ZNF263: variants seen among roughly 807,000 people sequenced by gnomAD.
ZNF263 encodes zinc finger protein 263, also known as zinc finger protein FPM315.
A neutral mutation model predicts 63.1 loss-of-function variants in ZNF263; 49 were observed. The ratio of observed to expected loss-of-function variants is 0.78; its 90% CI spans 0.62 to 0.99. The LOEUF (loss-of-function observed/expected upper bound fraction) is 0.99, where lower values mean the gene tolerates loss of function less well. Ranked by LOEUF, ZNF263 falls within the 50% of genes least tolerant of loss-of-function variation. ZNF263 has a pLI of 0.00. For missense variants in ZNF263, 872 were observed against 854.8 expected (o/e 1.02, Z -0.25); for synonymous variants, 352 against 324.2 (o/e 1.09, Z -0.92).
At chr16:3,299,822 A>G (rs1392338179) in intron 2 of ZNF263, 1 of 1,589,968 alleles carries the variant, frequency 6.3e-7, no homozygotes, top group Non-Finnish European at 8.5e-7. Flanking sequence ...TGAAAAAACC[A>G]TTCTGAAAAC....
chr16:3,285,771 C>T lies in ZNF263; in HGVS notation c.642+17C>T. Reference sequence around the variant, plus strand: ...GGGCCCCAGGTGATGTGGAAGTTTCCATTGTCTCCCCCCAGCACCCTTCCT... The same window carrying T: ...GGGCCCCAGGTGATGTGGAAGTTTCTATTGTCTCCCCCCAGCACCCTTCCT... On this transcript the variant is annotated intron_variant, in intron 3 of 5. Coordinates refer to ENST00000219069, the MANE Select transcript of ZNF263 (RefSeq NM_005741.5). 5 of 1,613,612 alleles carry T rather than the reference C, an allele frequency of 3.1e-6. No homozygotes were observed. Among genetic ancestry groups the T allele is most frequent in the Non-Finnish European group, 4.2e-6 (5 of 1,179,592 alleles).
rs1959470460 is a variant in ZNF263, at chr16:3,288,554, C to T, written c.870C>T (p.Pro290=). The change falls in exon 5 of 6, where the codon CCC becomes CCT. Residue 290 remains proline (P), a synonymous_variant. Coordinates refer to ENST00000219069, the MANE Select transcript of ZNF263 (RefSeq NM_005741.5). The part of the protein sequence containing the change: ...SVQSCKEGLS[P]RGPAPGEEKF... ...AGAGCTGCAAGGAGGGCCTGAGCCC[C>T]AGAGGCCCAGCTCCAGGTAAGGAAT... The T allele has an allele frequency of 5.6e-6, 9 of 1,610,864 alleles. No individual in the cohort carries two copies. Among genetic ancestry groups the T allele is most frequent in the Non-Finnish European group, 5.9e-6 (7 of 1,178,660 alleles).
chr16:3,298,805 A>G (rs932870237), intron 1 of ZNF263: 4 of 394,162 alleles, frequency 1.0e-5, no homozygotes, highest in African/African-American at 8.2e-5. Flanking sequence ...ACACAAATTT[A>G]AATAAATTTA....
chr16:3,300,645 G>T, intron 2 of ZNF263: 1 of 1,502,440 alleles, frequency 6.7e-7, no homozygotes, highest in South Asian at 1.4e-5. Flanking sequence ...ACCAACAGGA[G>T]AAAACAAAGG....
chr16:3,291,052 CGAAGGCCCCAGTTGG>C lies in ZNF263; in HGVS notation c.*499_*513del. The stretch of plus-strand genomic sequence containing the variant: ...GACTGGTTGTGAGTTGCAGCTGTCC[CGAAGGCCCCAGTTGG>C]GAAGCCATGGGCAGTCCAGATCAAG... On this transcript the variant is annotated 3_prime_UTR_variant, in exon 6 of 6. Transcript: ENST00000219069. The C allele has an allele frequency of 1.0e-6, 1 of 993,912 alleles. No homozygotes were observed. The highest frequency in any genetic ancestry group is 4.4e-5 in the South Asian group (1 of 22,624). 61.6% of individuals were successfully genotyped at this position (993,912 alleles called of 1,614,324 possible).
chr16:3,284,961 T>A (rs575318134), intron 1 of ZNF263, 98 bp from the exon 2 acceptor site: 115 of 1,457,848 alleles, frequency 7.9e-5, no homozygotes, highest in Admixed American at 4.7e-4. Flanking sequence ...AGGGATCGCC[T>A]GAGGTTCTCT....
chr16:3,288,448 G>T lies in ZNF263; in HGVS notation c.770-6G>T. 6.2e-7 allele frequency: 1 copy of T among 1,603,820 alleles called. No individual in the cohort carries two copies. Among genetic ancestry groups the T allele is most frequent in the South Asian group, 1.1e-5 (1 of 90,792 alleles). On this transcript the variant is annotated splice_polypyrimidine_tract_variant and splice_region_variant and intron_variant, in intron 4 of 5. Transcript: ENST00000219069. ...TACAGAAATCTGTTTCTTTCATTGTGAACAGAGTCTCACATTCCCAGTCAG... is the reference window on the plus strand; with the variant it reads ...TACAGAAATCTGTTTCTTTCATTGTTAACAGAGTCTCACATTCCCAGTCAG...
Position 3,291,144 on chromosome 16 carries a change from C to T in ZNF263, c.*586C>T, listed in dbSNP as rs1959600410. 2.2e-5 allele frequency: 22 copies of T among 986,104 alleles called. No individual in the cohort carries two copies. Among genetic ancestry groups the T allele is most frequent in the Non-Finnish European group, 2.5e-5 (21 of 830,474 alleles). 61.1% of individuals were successfully genotyped at this position (986,104 alleles called of 1,614,324 possible). A position where few individuals can be genotyped will look rare whatever the true frequency, so the allele number is the denominator to read the frequency against. On this transcript the variant is annotated 3_prime_UTR_variant, in exon 6 of 6. Coordinates refer to ENST00000219069, the MANE Select transcript of ZNF263 (RefSeq NM_005741.5). ...CAGGAGTGCCCATTGGCAGATTACA[C>T]ATGTAAATATGACCTCAGACAAAAA...
chr16:3,290,826 C>A lies in ZNF263; in HGVS notation c.*268C>A, dbSNP rs1045655025. ...CCACCCTGCCCCAGGGTGCTCCTAC[C>A]CTCTTGGTCTTTTTAAAGCCAAGGT... On this transcript the variant is annotated 3_prime_UTR_variant, in exon 6 of 6. Transcript: ENST00000219069. 20 of 1,197,112 alleles carry A rather than the reference C, an allele frequency of 1.7e-5. No homozygotes were observed. The highest frequency in any genetic ancestry group is 2.0e-5 in the Non-Finnish European group (19 of 965,538). The allele number at this position is 1,197,112 out of a possible 1,614,324, so 74.2% of individuals were successfully genotyped here.
chr16:3,292,587 G>A (rs535761294), downstream of ZNF263, among the ~76,000 whole-genome samples: 1 of 152,306 alleles, frequency 6.6e-6, no homozygotes, highest in East Asian at 1.9e-4. Context: ...AAGCACTCTG[G>A]TTAAGATGGC....
chr16:3,298,248 C>A (rs930396383), intron 1 of ZNF263, among the ~76,000 whole-genome samples: 1 of 152,192 alleles, frequency 6.6e-6, no homozygotes, highest in African/African-American at 2.4e-5. Context: ...GTTTATGTGA[C>A]CTTTGTCGAG....
intron 5 of ZNF263, among the ~76,000 whole-genome samples, chr16:3,289,002 C>T (rs1959492700): frequency 6.6e-6 from 1 of 152,056 alleles, no homozygotes; most frequent in Admixed American, 6.5e-5. Flanking sequence ...TAGAGAGGTA[C>T]ATTACGTCCT....
Position 3,287,405 on chromosome 16 carries a change from C to CTTTTTTTT in ZNF263, c.770-1032_770-1025dup, listed in dbSNP as rs34751211. On this transcript the variant is annotated intron_variant, in intron 4 of 5. Coordinates refer to ENST00000219069, the MANE Select transcript of ZNF263 (RefSeq NM_005741.5). ...ACAGGTGTGAGCCACCACACCCGGC[C>CTTTTTTTT]TTTTTTTTTTTTTTTTTTTTTTTTG... 1.5e-4 allele frequency among the ~76,000 whole-genome samples: 15 copies of CTTTTTTTT among 97,866 alleles called. 1 individual carries two copies. The highest frequency in any genetic ancestry group is 4.1e-4 in the African/African-American group (10 of 24,460). 64.2% of individuals were successfully genotyped at this position (97,866 alleles called of 152,430 possible). A position where few individuals can be genotyped will look rare whatever the true frequency, so the allele number is the denominator to read the frequency against.
intron 1 of ZNF263, among the ~76,000 whole-genome samples, chr16:3,284,580 G>C (rs1453291508): frequency 3.9e-5 from 6 of 152,224 alleles, no homozygotes; most frequent in Non-Finnish European, 8.8e-5. Flanking sequence ...CTTAGAGGGA[G>C]AGCAGCATGT....
downstream of ZNF263, among the ~76,000 whole-genome samples, chr16:3,292,689 A>G (rs544067421): frequency 7.2e-5 from 11 of 152,338 alleles, no homozygotes; most frequent in Admixed American, 6.5e-4. Flanking sequence ...ATGTGGTCCA[A>G]CTGGTGCTGC....
downstream of ZNF263, among the ~76,000 whole-genome samples, chr16:3,292,723 G>A (rs1959644060): frequency 1.3e-5 from 2 of 152,214 alleles, no homozygotes; most frequent in Admixed American, 1.3e-4. Context: ...ACTGCAGCTT[G>A]AAGCTGGGAA....
In ZNF263 at chr16:3,290,758, G is replaced by C; in HGVS notation, c.*200G>C. 1 of 1,390,420 alleles carries C rather than the reference G, an allele frequency of 7.2e-7. No homozygotes were observed. Among genetic ancestry groups the C allele is most frequent in the Non-Finnish European group, 9.3e-7 (1 of 1,075,686 alleles). The allele number at this position is 1,390,420 out of a possible 1,614,324, so 86.1% of individuals were successfully genotyped here. On this transcript the variant is annotated 3_prime_UTR_variant, in exon 6 of 6. Coordinates refer to ENST00000219069, the MANE Select transcript of ZNF263 (RefSeq NM_005741.5). ...AGTTCTGTCTGCATGAGAAAGGATG[G>C]CAAGTCTCTGAGGTGACCTCAGGGT...
In ZNF263 at chr16:3,289,985, T is replaced by G. The variant is rs1354885111; in HGVS notation, c.1479T>G (p.Pro493=). Residue 493 remains proline, a synonymous_variant, in exon 6 of 6, where the codon CCT becomes CCG. Transcript: ENST00000219069. ...THTGEKPYKC[P]ECGEIFAHSS... ...CTGGGGAGAAGCCCTACAAGTGCCC[T>G]GAGTGTGGGGAGATCTTTGCTCACA... 14 of 1,613,904 alleles carry G rather than the reference T, an allele frequency of 8.7e-6. No individual in the cohort carries two copies. Among genetic ancestry groups the G allele is most frequent in the Non-Finnish European group, 1.2e-5 (14 of 1,180,008 alleles).
rs972648023 is a variant in ZNF263, at chr16:3,289,578, G to A, written c.1072G>A (p.Ala358Thr). The A allele has an allele frequency of 1.2e-6, 2 of 1,613,982 alleles. No homozygotes were observed. Among genetic ancestry groups the A allele is most frequent in the Non-Finnish European group, 1.7e-6 (2 of 1,179,960 alleles). ...PPEGGMEQAL[A>T]GASSGRELGR... Reference sequence around the variant, plus strand: ...AGAGGGTGGAATGGAGCAGGCCTTGGCAGGAGCCTCAAGTGGCAGAGAACT... The same window carrying A: ...AGAGGGTGGAATGGAGCAGGCCTTGACAGGAGCCTCAAGTGGCAGAGAACT... The change falls in exon 6 of 6, where the codon GCA (alanine) becomes ACA (threonine). Residue 358 changes from alanine to threonine, a missense_variant. Physicochemically the swap from Ala to Thr is moderately conservative, Grantham distance 58. Transcript: ENST00000219069.
Sources: gnomAD v4.1 joint callset for allele counts (sites outside exome capture counted in the v4.1 genomes callset) on GRCh38, gnomAD v4.1.1 for gene constraint, MANE v1.5 for transcripts, NCBI Gene and HGNC (gene_info 2026-07-23, HGNC 2026-07-21) for gene names.